Variants in KRT35 observed in about 807,000 individuals in gnomAD.
KRT35 encodes the protein keratin 35, also known as keratin, type I cuticular Ha5.
Under a neutral mutation model 42.2 loss-of-function variants are expected in KRT35, and 33 were observed. That is an observed-to-expected ratio of 0.78 (90% CI 0.59 to 1.05). The LOEUF (loss-of-function observed/expected upper bound fraction) is 1.05, where lower values mean the gene tolerates loss of function less well. Ranked by LOEUF, KRT35 falls within the 50% of genes least tolerant of loss-of-function variation. KRT35 has a pLI of 0.00. For missense variants in KRT35, 585 were observed against 589.2 expected, an observed-to-expected ratio of 0.99 and a Z score of 0.07; for synonymous variants, 218 against 238.2, an observed-to-expected ratio of 0.92 and a Z score of 0.78.
At position 41,479,718 on chromosome 17, in the gene KRT35, C is replaced by T. The variant is rs771101998; in HGVS notation, c.535G>A (p.Ala179Thr). Residue 179 changes from alanine to threonine, a missense_variant, in exon 2 of 7, where the codon GCA (alanine) becomes ACA (threonine). Physicochemically the swap from Ala to Thr is moderately conservative, Grantham distance 58. Coordinates refer to ENST00000246639, the MANE Select transcript of KRT35 (RefSeq NM_002280.6). ...ACTCACTTGGTCCTGAAGTCATCTG[C>T]AGCCAATTTGGCATTGTCAATCTCC... is the stretch of plus-strand genomic sequence containing the variant. Reference protein sequence around the residue: ...VVEIDNAKLAADDFRTKYETE... With the variant: ...VVEIDNAKLATDDFRTKYETE... 43 of 1,613,974 alleles carry T rather than the reference C, an allele frequency of 2.7e-5. No individual in the cohort carries two copies. In the East Asian group the frequency reaches 9.6e-4, roughly 36 times the overall value.
Position 41,479,691 on chromosome 17 carries a change from C to A in KRT35, c.554+8G>T. The A allele has an allele frequency of 6.2e-7, 1 of 1,613,082 alleles. No individual in the cohort carries two copies. Among genetic ancestry groups the A allele is most frequent in the South Asian group, 1.1e-5 (1 of 91,024 alleles). On this transcript the variant is annotated splice_region_variant and intron_variant, in intron 2 of 6. Coordinates refer to ENST00000246639, the MANE Select transcript of KRT35 (RefSeq NM_002280.6). ...GCCCCCAACCACATGACAAGCAGGA[C>A]AACTCACTTGGTCCTGAAGTCATCT...
At chr17:41,479,832 T>C in intron 1 of KRT35, 51 bp from the exon 2 acceptor site, 1 of 1,485,750 alleles carries the variant, frequency 6.7e-7, no homozygotes, top group Non-Finnish European at 9.4e-7. Context: ...TTCCACTTGT[T>C]GGAGCTCCCT....
Position 41,480,852 on chromosome 17 carries a change from A to C in KRT35, c.246T>G (p.Ser82Arg). ...CCTCCCCAAACCAGCCCCCACCCCC[A>C]CTGTAGCTGGTAGCGAAGCCTCCAG... ...LPAGGFATSY[S>R]GGGGWFGEGI... The change falls in exon 1 of 7, where the codon AGT (serine) becomes AGG (arginine). Residue 82 changes from serine to arginine, a missense_variant. By Grantham distance (110) the Ser-to-Arg change is moderately radical. Coordinates refer to ENST00000246639, the MANE Select transcript of KRT35 (RefSeq NM_002280.6). 6.2e-7 allele frequency: 1 copy of C among 1,608,712 alleles called. No homozygotes were observed. Among genetic ancestry groups the C allele is most frequent in the Non-Finnish European group, 8.5e-7 (1 of 1,177,632 alleles).
rs762865803 is a variant in KRT35, at chr17:41,480,943, C to A, written c.155G>T (p.Cys52Phe). The stretch of plus-strand genomic sequence containing the variant: ...GCTGCTTCTGCCCAGACCCACTGAG[C>A]AGGCAGAGAAACTTCTGGCCACAGG... The part of the protein sequence containing the change: ...LSPVARSFSA[C>F]SVGLGRSSYR... The change falls in exon 1 of 7, where the codon TGC becomes TTC. Residue 52 changes from cysteine (C) to phenylalanine (F), a missense_variant. By Grantham distance (205) the Cys-to-Phe change is radical. Coordinates refer to ENST00000246639, the MANE Select transcript of KRT35 (RefSeq NM_002280.6). The A allele has an allele frequency of 1.2e-6, 2 of 1,614,162 alleles. No homozygotes were observed. The highest frequency in any genetic ancestry group is 4.5e-5 in the East Asian group (2 of 44,886).
Position 41,476,945 on chromosome 17 carries a change from G to A in KRT35, c.*111C>T, listed in dbSNP as rs766984214. The A allele has an allele frequency of 1.9e-5, 21 of 1,105,346 alleles. No individual in the cohort carries two copies. The highest frequency in any genetic ancestry group is 2.7e-5 in the Non-Finnish European group (21 of 785,752). 68.5% of individuals were successfully genotyped at this position (1,105,346 alleles called of 1,614,324 possible). Reference sequence around the variant, plus strand: ...CAGAAAGCCTTTTCAGCCAGACCCTGGGCCTGGGCTCTGCGCGAAGAGAGG... The same window carrying A: ...CAGAAAGCCTTTTCAGCCAGACCCTAGGCCTGGGCTCTGCGCGAAGAGAGG... On this transcript the variant is annotated 3_prime_UTR_variant, in exon 7 of 7. Coordinates refer to ENST00000246639, the MANE Select transcript of KRT35 (RefSeq NM_002280.6).
chr17:41,477,422 G>A (rs2019188159), intron 6 of KRT35, 96 bp downstream of exon 6: 4 of 1,520,464 alleles, frequency 2.6e-6, no homozygotes, highest in Non-Finnish European at 2.7e-6. Context: ...CAGAACTCCA[G>A]ACTCCGAATG....
chr17:41,479,724 AT>A lies in KRT35; in HGVS notation c.528del (p.Lys176AsnfsTer35). The A allele has an allele frequency of 6.2e-7, 1 of 1,614,092 alleles. No individual in the cohort carries two copies. Among genetic ancestry groups the A allele is most frequent in the Non-Finnish European group, 8.5e-7 (1 of 1,179,982 alleles). On this transcript the variant is annotated frameshift_variant, in exon 2 of 7. Coordinates refer to ENST00000246639, the MANE Select transcript of KRT35 (RefSeq NM_002280.6). LOFTEE classifies it high-confidence loss of function. The part of the protein sequence containing the change: ...ARLVVEIDNA[K>X]LAADDFRTKY... ...TTGGTCCTGAAGTCATCTGCAGCCAATTTGGCATTGTCAATCTCCACCACCA... is the reference window on the plus strand; with the variant it reads ...TTGGTCCTGAAGTCATCTGCAGCCAATTGGCATTGTCAATCTCCACCACCA...
At position 41,478,393 on chromosome 17, in the gene KRT35, G is replaced by T; in HGVS notation, c.967C>A (p.Leu323Met). The T allele has an allele frequency of 6.2e-7, 1 of 1,613,952 alleles. No individual in the cohort carries two copies. The highest frequency in any genetic ancestry group is 1.1e-5 in the South Asian group (1 of 91,070). Reference protein sequence around the residue: ...IIELRRTVNALEIELQAQHSM... With the variant: ...IIELRRTVNAMEIELQAQHSM... The stretch of plus-strand genomic sequence containing the variant: ...TGCTGAGCCTGCAGCTCAATCTCCA[G>T]GGCGTTGACCGTGCGTCTCAGCTCG... The change falls in exon 5 of 7, where the codon CTG (leucine) becomes ATG (methionine). Residue 323 changes from leucine (L) to methionine (M), a missense_variant. Leu to Met is a conservative substitution (Grantham distance 15). Coordinates refer to ENST00000246639, the MANE Select transcript of KRT35 (RefSeq NM_002280.6).
rs373516449 is a variant in KRT35 at position 41,480,737 on chromosome 17, C to T, written c.361G>A (p.Glu121Lys). ...YLEKVRQLEQ[E>K]NASLESRIRE... The stretch of plus-strand genomic sequence containing the variant: ...ATGCGGCTCTCCAGGCTGGCGTTCT[C>T]CTGCTCCAGCTGACGCACCTTCTCC... Residue 121 changes from glutamate to lysine, a missense_variant, in exon 1 of 7, where the codon GAG (glutamate) becomes AAG (lysine). By Grantham distance (56) the Glu-to-Lys change is moderately conservative. Transcript: ENST00000246639. 2.8e-5 allele frequency: 45 copies of T among 1,614,086 alleles called. No homozygotes were observed. Among genetic ancestry groups the T allele is most frequent in the Non-Finnish European group, 3.5e-5 (41 of 1,180,042 alleles).
rs750710884 is a variant in KRT35, at chr17:41,478,816, CTG to C, written c.873+16_873+17del. 1 of 1,608,158 alleles carries C rather than the reference CTG, an allele frequency of 6.2e-7. No individual in the cohort carries two copies. On this transcript the variant is annotated intron_variant, in intron 4 of 6. Coordinates refer to ENST00000246639, the MANE Select transcript of KRT35 (RefSeq NM_002280.6). ...CCACCACATACCCCTGTTGCACTGA[CTG>C]TTTCCAGGTACCTACCTGGGTGTCC...
chr17:41,478,877 AC>A lies in KRT35; in HGVS notation c.829del (p.Val277TrpfsTer19). 6.2e-7 allele frequency: 1 copy of A among 1,613,810 alleles called. No homozygotes were observed. Among genetic ancestry groups the A allele is most frequent in the Non-Finnish European group, 8.5e-7 (1 of 1,179,922 alleles). ...TTCAGCATCCCGGCGGTTATTCTCC[AC>A]CAGGGTTTCATACTGGCACCTCATC... ...EEMRCQYETLVENNRRDAEDW... is the reference protein window; with the variant it reads ...EEMRCQYETLXENNRRDAEDW... On this transcript the variant is annotated frameshift_variant, in exon 4 of 7. Transcript: ENST00000246639. LOFTEE classifies it high-confidence loss of function.
intron 1 of KRT35, 102 bp from the exon 2 acceptor site, chr17:41,479,883 A>T: frequency 5.7e-6 from 5 of 873,558 alleles, no homozygotes; most frequent in Non-Finnish European, 9.5e-6. Flanking sequence ...GAAGTCACCC[A>T]TCCTAGACCT....
rs759199691 is a variant in KRT35 at position 41,477,591 on chromosome 17, G to C, written c.1147C>G (p.Leu383Val). The C allele has an allele frequency of 6.2e-7, 1 of 1,614,198 alleles. No homozygotes were observed. Among genetic ancestry groups the C allele is most frequent in the East Asian group, 2.2e-5 (1 of 44,884 alleles). Reference sequence around the variant, plus strand: ...TCCAGCCGGGCCCGGACGTCCAGCAGCACCTGGTACTCCTGGTTCTGCCGC... The same window carrying C: ...TCCAGCCGGGCCCGGACGTCCAGCACCACCTGGTACTCCTGGTTCTGCCGC... Reference protein sequence around the residue: ...LERQNQEYQVLLDVRARLECE... With the variant: ...LERQNQEYQVVLDVRARLECE... The change falls in exon 6 of 7, where the codon CTG (leucine) becomes GTG (valine). Residue 383 changes from leucine to valine, a missense_variant. Coordinates refer to ENST00000246639, the MANE Select transcript of KRT35 (RefSeq NM_002280.6).
chr17:41,476,958 G>A lies in KRT35; in HGVS notation c.*98C>T. On this transcript the variant is annotated 3_prime_UTR_variant, in exon 7 of 7. Transcript: ENST00000246639. ...CAGCCAGACCCTGGGCCTGGGCTCT[G>A]CGCGAAGAGAGGGGATTGGGCTACA... is the stretch of plus-strand genomic sequence containing the variant. 1 of 1,230,584 alleles carries A rather than the reference G, an allele frequency of 8.1e-7. No homozygotes were observed. The allele number at this position is 1,230,584 out of a possible 1,614,324, so 76.2% of individuals were successfully genotyped here.
chr17:41,479,799 T>A lies in KRT35; in HGVS notation c.472-18A>T. On this transcript the variant is annotated intron_variant, in intron 1 of 6. Transcript: ENST00000246639. ...CATAGAGTCTGGAGATATGAAGAAG[T>A]TATTTCATTGCAAGAAAGGACATTC... The A allele has an allele frequency of 6.3e-7, 1 of 1,596,878 alleles. No individual in the cohort carries two copies. Among genetic ancestry groups the A allele is most frequent in the Non-Finnish European group, 8.6e-7 (1 of 1,164,478 alleles).
rs557655043 is a variant in KRT35, at chr17:41,479,726, T to A, written c.527A>T (p.Lys176Ile). The A allele has an allele frequency of 1.2e-6, 2 of 1,614,152 alleles. No homozygotes were observed. Among genetic ancestry groups the A allele is most frequent in the South Asian group, 2.2e-5 (2 of 91,076 alleles). The change falls in exon 2 of 7, where the codon AAA (lysine) becomes ATA (isoleucine). Residue 176 changes from lysine (K) to isoleucine (I), a missense_variant. By Grantham distance (102) the Lys-to-Ile change is moderately radical. Transcript: ENST00000246639. Reference sequence around the variant, plus strand: ...GGTCCTGAAGTCATCTGCAGCCAATTTGGCATTGTCAATCTCCACCACCAG... The same window carrying A: ...GGTCCTGAAGTCATCTGCAGCCAATATGGCATTGTCAATCTCCACCACCAG... The part of the protein sequence containing the change: ...ARLVVEIDNA[K>I]LAADDFRTKY...
chr17:41,477,295 C>T (rs2144469237), intron 6 of KRT35, 92 bp from the exon 7 acceptor site: 1 of 1,461,952 alleles, frequency 6.8e-7, no homozygotes. Context: ...GGGAAGCACC[C>T]TAAAAACCAC....
At chr17:41,478,693 A>T (rs2019213633) in intron 4 of KRT35, 141 bp downstream of exon 4, 1 of 1,078,776 alleles carries the variant, frequency 9.3e-7, no homozygotes, top group South Asian at 1.6e-5. Flanking sequence ...AGGTCAATTG[A>T]AGTGGGTCTG....
chr17:41,477,076 A>C lies in KRT35; in HGVS notation c.1348T>G (p.Cys450Gly). 1.3e-5 allele frequency: 20 copies of C among 1,587,272 alleles called. No homozygotes were observed. The highest frequency in any genetic ancestry group is 1.7e-5 in the Non-Finnish European group (20 of 1,169,708). ...CGCTCTCAGAACCGACCCCCTGGGC[A>C]GGGCACACAAATGGGGCGGGGGCTG... ...NCSPRPICVP[C>G]PGGRF is the part of the protein sequence containing the mutation. Residue 450 changes from cysteine (C) to glycine (G), a missense_variant, in exon 7 of 7, where the codon TGC becomes GGC. By Grantham distance (159) the Cys-to-Gly change is radical. Transcript: ENST00000246639.
Sources: gnomAD v4.1 joint callset for allele counts on GRCh38, gnomAD v4.1.1 for gene constraint, MANE v1.5 for transcripts, NCBI Gene and HGNC (gene_info 2026-07-23, HGNC 2026-07-21) for gene names.